The following PIP5K1B variants were observed in gnomAD, a reference collection of about 807,000 sequenced individuals.
PIP5K1B encodes the protein phosphatidylinositol 4-phosphate 5-kinase type-1 beta.
A neutral mutation model predicts 67.0 loss-of-function variants in PIP5K1B; 42 were observed. The ratio of observed to expected loss-of-function variants is 0.63; its 90% CI spans 0.49 to 0.81. PIP5K1B has a LOEUF of 0.81. Ranked by LOEUF, PIP5K1B falls within the 30% of genes least tolerant of loss-of-function variation. The probability of loss-of-function intolerance (pLI) is 0.00; values close to 1 mark genes in which losing one functional copy is unlikely to be tolerated. For synonymous variants in PIP5K1B, 214 were observed against 231.4 expected, an observed-to-expected ratio of 0.92 and a Z score of 0.68; for missense variants, 459 against 646.3, an observed-to-expected ratio of 0.71 and a Z score of 3.14.
intron 14 of PIP5K1B, among the ~76,000 whole-genome samples, chr9:68,957,803 C>A (rs1198937756): frequency 6.6e-6 from 1 of 152,098 alleles, no homozygotes; most frequent in African/African-American, 2.4e-5. Context: ...TCTTTTATTG[C>A]CTGCTTCAGG....
chr9:68,863,811 T>C, intron 4 of PIP5K1B, 26 bp from the exon 5 acceptor site: 1 of 1,610,652 alleles, frequency 6.2e-7, no homozygotes, highest in Non-Finnish European at 8.5e-7. Context: ...TTAAGACTAA[T>C]GTTGAGACCC....
At chr9:68,951,924 A>G (rs1024067981) in intron 14 of PIP5K1B, among the ~76,000 whole-genome samples, 2 of 152,088 alleles carry the variant, frequency 1.3e-5, no homozygotes, top group African/African-American at 4.8e-5. Context: ...TGCTTGATCT[A>G]TTGGGTGTAG....
At chr9:68,946,361 G>A (rs1373337947) in intron 14 of PIP5K1B, among the ~76,000 whole-genome samples, 1 of 151,956 alleles carries the variant, frequency 6.6e-6, no homozygotes, top group Admixed American at 6.6e-5. Flanking sequence ...CATTGAAGAC[G>A]ACCTCTCCAG....
At chr9:68,977,332 G>A (rs1259193940) in intron 14 of PIP5K1B, among the ~76,000 whole-genome samples, 1 of 152,146 alleles carries the variant, frequency 6.6e-6, no homozygotes, top group African/African-American at 2.4e-5. Context: ...GACTAGCCTG[G>A]CCAACCTGGG....
chr9:68,986,933 A>G (rs1295575576), intron 14 of PIP5K1B, among the ~76,000 whole-genome samples: 5 of 152,152 alleles, frequency 3.3e-5, no homozygotes, highest in Non-Finnish European at 5.9e-5. Flanking sequence ...TTACACTTAT[A>G]TGCATGTAGC....
chr9:68,995,072 A>T (rs1830544818), intron 15 of PIP5K1B, among the ~76,000 whole-genome samples: 1 of 151,866 alleles, frequency 6.6e-6, no homozygotes. Context: ...CAGGCCCAGG[A>T]GTCTGAGGTT....
chr9:68,991,163 C>T lies in PIP5K1B; in HGVS notation c.1526C>T (p.Thr509Ile), dbSNP rs762605145. ...AGCAAAGGGTTACCTTCCAGTTCAA[C>T]ATTTACCTTGGAAGAGGGGACCATC... The part of the protein sequence containing the change: ...SNSKGLPSSS[T>I]FTLEEGTIYL... Residue 509 changes from threonine to isoleucine, a missense_variant, in exon 15 of 16, where the codon ACA (threonine) becomes ATA (isoleucine). This residue lies in a region of PIP5K1B where 169 missense variants were observed against 171.9 expected (regional missense o/e 0.98). Transcript: ENST00000265382. 4.4e-6 allele frequency: 7 copies of T among 1,606,064 alleles called. No homozygotes were observed. Among genetic ancestry groups the T allele is most frequent in the Non-Finnish European group, 6.0e-6 (7 of 1,172,644 alleles).
intron 2 of PIP5K1B, among the ~76,000 whole-genome samples, chr9:68,744,777 C>T (rs187585652): frequency 1.4e-3 from 213 of 152,206 alleles, no homozygotes; most frequent in African/African-American, 4.7e-3. Context: ...GATACCCTCT[C>T]ACCTTGTCTC....
intron 1 of PIP5K1B, among the ~76,000 whole-genome samples, chr9:68,739,515 A>AT (rs1234417875): frequency 1.3e-5 from 2 of 152,238 alleles, no homozygotes; most frequent in East Asian, 3.8e-4. Context: ...ACTTTAAAAT[A>AT]TTTAAGAAGG....
intron 8 of PIP5K1B, among the ~76,000 whole-genome samples, chr9:68,905,747 A>G (rs979061401): frequency 8.5e-5 from 13 of 152,150 alleles, no homozygotes; most frequent in African/African-American, 2.9e-4. Flanking sequence ...TATTCATTCA[A>G]CATCCAGGGC....
At chr9:68,987,852 G>T (rs1442101710) in intron 14 of PIP5K1B, among the ~76,000 whole-genome samples, 2 of 152,094 alleles carry the variant, frequency 1.3e-5, no homozygotes, top group African/African-American at 2.4e-5. Flanking sequence ...CAGCACGGGG[G>T]AAACCACCTC....
intron 2 of PIP5K1B, among the ~76,000 whole-genome samples, chr9:68,748,397 G>A (rs957653925): frequency 2.0e-5 from 3 of 152,188 alleles, no homozygotes; most frequent in African/African-American, 7.2e-5. Context: ...AGAAGCATGT[G>A]TAGTTATAGC....
chr9:68,933,195 A>T (rs1394476597), intron 12 of PIP5K1B, among the ~76,000 whole-genome samples: 1 of 152,176 alleles, frequency 6.6e-6, no homozygotes, highest in Non-Finnish European at 1.5e-5. Flanking sequence ...TAGAGATGAT[A>T]GGTTGATAGG....
chr9:68,776,772 C>T (rs983303566), intron 2 of PIP5K1B, among the ~76,000 whole-genome samples: 2 of 152,126 alleles, frequency 1.3e-5, no homozygotes, highest in African/African-American at 4.8e-5. Flanking sequence ...GTATTTAATT[C>T]ATGGGAGTGA....
At chr9:69,006,235 C>T (rs537850632) in intron 15 of PIP5K1B, among the ~76,000 whole-genome samples, 10 of 152,202 alleles carry the variant, frequency 6.6e-5, no homozygotes, top group Admixed American at 2.0e-4. Flanking sequence ...GGCTTCCATG[C>T]AGTTGTCCTG....
At chr9:68,950,609 A>G (rs940721908) in intron 14 of PIP5K1B, among the ~76,000 whole-genome samples, 3 of 152,160 alleles carry the variant, frequency 2.0e-5, no homozygotes, top group Non-Finnish European at 4.4e-5. Flanking sequence ...GGGATCTGTA[A>G]CAGGTGAACT....
At chr9:68,893,333 C>CAT (rs755209849) in intron 7 of PIP5K1B, among the ~76,000 whole-genome samples, 1 of 110,954 alleles carries the variant, frequency 9.0e-6, no homozygotes, top group Non-Finnish European at 1.7e-5. Context: ...TATTTTTTTT[C>CAT]TTTTTTTTTT....
chr9:68,722,799 T>C lies in PIP5K1B; in HGVS notation c.-243+17037T>C, dbSNP rs534988196. The stretch of plus-strand genomic sequence containing the variant: ...AGGATATCACCTCAAACATTTTTCA[T>C]TGTGTTGGGAACATTATAATTCTTC... On this transcript the variant is annotated intron_variant, in intron 1 of 15. Coordinates refer to ENST00000265382, the MANE Select transcript of PIP5K1B (RefSeq NM_003558.4). Among the ~76,000 whole-genome samples, 5 of 152,128 alleles carry C rather than the reference T, an allele frequency of 3.3e-5. No individual in the cohort carries two copies. In the South Asian group the frequency reaches 1.0e-3, roughly 32 times the overall value.
chr9:68,859,979 G>A lies in PIP5K1B; in HGVS notation c.70-3858G>A, dbSNP rs141488918. On this transcript the variant is annotated intron_variant, in intron 4 of 15. Transcript: ENST00000265382. ...ACATGATGTTTTGAAATATGTATAC[G>A]TTGTGAAATGGCTCTGTTGAGTTAG... is the stretch of plus-strand genomic sequence containing the variant. Among the ~76,000 whole-genome samples the A allele has an allele frequency of 2.8e-3, 427 of 152,096 alleles. 1 individual carries two copies. The highest frequency in any genetic ancestry group is 9.5e-3 in the African/African-American group (394 of 41,480).
Sources: gnomAD v4.1 joint callset for allele counts (sites outside exome capture counted in the v4.1 genomes callset) on GRCh38, gnomAD v4.1.1 for gene constraint, gnomAD v4.1.1 regional missense constraint, MANE v1.5 for transcripts, NCBI Gene and HGNC (gene_info 2026-07-23, HGNC 2026-07-21) for gene names.